The following COG3 variants were observed in gnomAD, a reference collection of about 807,000 sequenced individuals.
The protein encoded by COG3 is conserved oligomeric Golgi complex subunit 3.
A neutral mutation model predicts 114.1 loss-of-function variants in COG3; 32 were observed. That is an observed-to-expected ratio of 0.28 (90% CI 0.21 to 0.38). The LOEUF is 0.38. COG3 is among the 10% of genes least tolerant of loss of function. The probability of loss-of-function intolerance (pLI) is 1.00; values close to 1 mark genes in which losing one functional copy is unlikely to be tolerated. For synonymous variants in COG3, 352 were observed against 365.7 expected, an observed-to-expected ratio of 0.96 and a Z score of 0.43; for missense variants, 813 against 973.2, an observed-to-expected ratio of 0.84 and a Z score of 2.19.
In COG3 at chr13:45,512,044, A is replaced by T; in HGVS notation, c.1809+190A>T. The stretch of plus-strand genomic sequence containing the variant: ...AAATAAAGACTGTACTATATAAGAG[A>T]GTCCAACTTTGCTAAAGTACCAAAA... On this transcript the variant is annotated intron_variant, in intron 16 of 22. Transcript: ENST00000349995. 1.0e-5 allele frequency: 5 copies of T among 496,956 alleles called. No individual in the cohort carries two copies. In the South Asian group the frequency reaches 1.2e-4, roughly 12 times the overall value. 30.8% of individuals were successfully genotyped at this position (496,956 alleles called of 1,614,324 possible).
chr13:45,511,653 A>C, intron 15 of COG3, 112 bp from the exon 16 acceptor site: 4 of 752,238 alleles, frequency 5.3e-6, no homozygotes. Context: ...TAGTAAATTA[A>C]TCCAACCATG....
chr13:45,464,995 C>A lies in COG3; in HGVS notation c.-42C>A, dbSNP rs1216263670. ...TGGCCCAGGTCTCTCTGTCGGGGTC[C>A]CCTCCATCTCGCTGCTGCTGAAGGC... On this transcript the variant is annotated 5_prime_UTR_variant, in exon 1 of 23. Coordinates refer to ENST00000349995, the MANE Select transcript of COG3 (RefSeq NM_031431.4). 1 of 1,538,470 alleles carries A rather than the reference C, an allele frequency of 6.5e-7. No individual in the cohort carries two copies. Among genetic ancestry groups the A allele is most frequent in the Middle Eastern group, 2.3e-4 (1 of 4,354 alleles).
rs140824436 is a variant in COG3, at chr13:45,511,879, C to G, written c.1809+25C>G. On this transcript the variant is annotated intron_variant, in intron 16 of 22. Coordinates refer to ENST00000349995, the MANE Select transcript of COG3 (RefSeq NM_031431.4). The stretch of plus-strand genomic sequence containing the variant: ...GGTTTGATGAAGTGTTAGGTGAAAT[C>G]CTGTTTCCTGGTAAAATATTGTGGA... The G allele has an allele frequency of 9.4e-4, 1,458 of 1,548,508 alleles. 13 individuals carry two copies. In the African/African-American group the frequency reaches 0.016, roughly 17 times the overall value.
intron 2 of COG3, among the ~76,000 whole-genome samples, chr13:45,478,095 A>AT (rs1885999648): frequency 6.6e-6 from 1 of 151,916 alleles, no homozygotes; most frequent in Non-Finnish European, 1.5e-5. Flanking sequence ...AGAAATATTC[A>AT]TTTTTTACCT....
chr13:45,480,816 T>A (rs866469428), intron 4 of COG3, among the ~76,000 whole-genome samples: 5 of 152,302 alleles, frequency 3.3e-5, no homozygotes, highest in Middle Eastern at 6.8e-3. Flanking sequence ...TCTGCCCGCC[T>A]TGGCCTCCCA....
chr13:45,530,594 T>G, intron 21 of COG3, 88 bp from the exon 22 acceptor site: 1 of 832,278 alleles, frequency 1.2e-6, no homozygotes, highest in East Asian at 2.5e-5. Flanking sequence ...TTCCACTCGC[T>G]TTGGCAAATA....
intron 1 of COG3, among the ~76,000 whole-genome samples, chr13:45,473,205 C>A (rs1250838402): frequency 6.6e-6 from 1 of 152,048 alleles, no homozygotes; most frequent in Non-Finnish European, 1.5e-5. Flanking sequence ...TCTTTTTTCC[C>A]ATGATTTGCC....
intron 3 of COG3, 101 bp downstream of exon 3, chr13:45,479,167 G>A: frequency 2.4e-5 from 20 of 821,640 alleles, no homozygotes; most frequent in South Asian, 1.6e-5. Context: ...GAGGTATTAA[G>A]AAAACTGTAA....
chr13:45,515,049 C>T (rs1871397312), intron 16 of COG3, among the ~76,000 whole-genome samples: 1 of 152,188 alleles, frequency 6.6e-6, no homozygotes, highest in African/African-American at 2.4e-5. Flanking sequence ...TTAAACTGAG[C>T]ACCTGTCAAC....
chr13:45,526,387 C>T (rs1228607519), intron 20 of COG3, among the ~76,000 whole-genome samples: 1 of 151,802 alleles, frequency 6.6e-6, no homozygotes, highest in African/African-American at 2.4e-5. Context: ...TGCCTGGCCT[C>T]AAAATTTTTA....
intron 14 of COG3, among the ~76,000 whole-genome samples, chr13:45,509,167 G>A (rs1372868859): frequency 6.6e-6 from 1 of 151,946 alleles, no homozygotes; most frequent in African/African-American, 2.4e-5. Context: ...AGCCTCTCGA[G>A]TAGCTGGGAC....
chr13:45,481,964 T>A (rs751909562), intron 5 of COG3, among the ~76,000 whole-genome samples: 2 of 152,188 alleles, frequency 1.3e-5, no homozygotes, highest in African/African-American at 4.8e-5. Context: ...TTTACTTTCA[T>A]AGTATGACTG....
intron 13 of COG3, among the ~76,000 whole-genome samples, chr13:45,498,181 T>C (rs1181417703): frequency 2.6e-5 from 4 of 152,128 alleles, no homozygotes; most frequent in Non-Finnish European, 5.9e-5. Flanking sequence ...ATTTGAAAGT[T>C]GCAGACATCA....
intron 16 of COG3, among the ~76,000 whole-genome samples, chr13:45,512,668 C>T (rs1424499622): frequency 4.6e-5 from 7 of 151,696 alleles, no homozygotes; most frequent in Non-Finnish European, 7.4e-5. Context: ...TACTCTGTCA[C>T]CTAAGCTGGA....
rs546731417 is a variant in COG3, at chr13:45,526,527, A to G, written c.2230+1476A>G. On this transcript the variant is annotated intron_variant, in intron 20 of 22. Transcript: ENST00000349995. ...GAAAGGAAGATAGGATTTTATTTCA[A>G]AGGTTCCTCAGGTGAACTTTGATGA... Among the ~76,000 whole-genome samples the G allele has an allele frequency of 8.5e-5, 13 of 152,324 alleles. No individual in the cohort carries two copies. In the South Asian group the frequency reaches 2.3e-3, roughly 27 times the overall value.
intron 1 of COG3, among the ~76,000 whole-genome samples, chr13:45,473,854 C>T (rs990861063): frequency 2.6e-5 from 4 of 152,146 alleles, no homozygotes; most frequent in Non-Finnish European, 4.4e-5. Flanking sequence ...TGGCAGCATA[C>T]GGTTGCTGAT....
In COG3 at chr13:45,476,302, CACT is replaced by C. The variant is rs773614356; in HGVS notation, c.277_279del (p.Thr93del). The C allele has an allele frequency of 1.2e-6, 2 of 1,613,820 alleles. No individual in the cohort carries two copies. Among genetic ancestry groups the C allele is most frequent in the Non-Finnish European group, 1.7e-6 (2 of 1,179,812 alleles). On this transcript the variant is annotated inframe_deletion, in exon 2 of 23. Coordinates refer to ENST00000349995, the MANE Select transcript of COG3 (RefSeq NM_031431.4). ...CAGAAGACATTCTCTTGAAGGGCTT[CACT>C]TCCTTAGGAATGGAAGAAGAAAGAA... is the stretch of plus-strand genomic sequence containing the variant.
At chr13:45,514,425 T>C (rs1031787708) in intron 16 of COG3, among the ~76,000 whole-genome samples, 39 of 152,134 alleles carry the variant, frequency 2.6e-4, no homozygotes, top group Non-Finnish European at 8.8e-5. Flanking sequence ...CCTCCCAAAA[T>C]GTTGGGATTA....
chr13:45,525,197 T>A, intron 20 of COG3, 146 bp downstream of exon 20: 1 of 571,278 alleles, frequency 1.8e-6, no homozygotes, highest in Non-Finnish European at 3.0e-6. Flanking sequence ...AATTTGGAGC[T>A]GACAGGTCTT....
Sources: gnomAD v4.1 joint callset for allele counts (sites outside exome capture counted in the v4.1 genomes callset) on GRCh38, gnomAD v4.1.1 for gene constraint, MANE v1.5 for transcripts, NCBI Gene and HGNC (gene_info 2026-07-23, HGNC 2026-07-21) for gene names.